Variants in BABAM2 observed in about 807,000 individuals in gnomAD.
BABAM2 encodes the protein BRISC and BRCA1-A complex member 2.
A neutral mutation model predicts 54.7 loss-of-function variants in BABAM2; 31 were observed. The observed-to-expected ratio is 0.57, with a 90% confidence interval of 0.43 to 0.77. The LOEUF is 0.77. Among genes scored for constraint, BABAM2 ranks in the 30% least tolerant of loss-of-function variants. The pLI is 0.00. For missense variants in BABAM2, 364 were observed against 455.8 expected (o/e 0.80, Z 1.83); for synonymous variants, 167 against 162.9 (o/e 1.03, Z -0.19).
intron 10 of BABAM2, among the ~76,000 whole-genome samples, chr2:28,289,527 T>C (rs1464629475): frequency 1.3e-5 from 2 of 152,202 alleles, no homozygotes; most frequent in African/African-American, 4.8e-5. Flanking sequence ...CAGAGGCTCA[T>C]GCCTGTAATC....
chr2:28,300,641 A>G (rs1348427599), intron 11 of BABAM2, among the ~76,000 whole-genome samples: 2 of 151,388 alleles, frequency 1.3e-5, no homozygotes, highest in Non-Finnish European at 3.0e-5. Flanking sequence ...CTTGGTGTGT[A>G]TGTGTGTGTG....
chr2:28,246,364 T>G (rs1057108448), intron 10 of BABAM2, among the ~76,000 whole-genome samples: 2 of 152,230 alleles, frequency 1.3e-5, no homozygotes, highest in Admixed American at 6.5e-5. Context: ...TCACTTTACC[T>G]TACGACCTTG....
At chr2:27,946,030 T>C (rs571348116) in intron 3 of BABAM2, among the ~76,000 whole-genome samples, 2 of 152,332 alleles carry the variant, frequency 1.3e-5, no homozygotes, top group East Asian at 3.9e-4. Flanking sequence ...TGTTTTATTG[T>C]ACTATCTAGT....
chr2:28,089,270 G>A (rs17006494), intron 6 of BABAM2, among the ~76,000 whole-genome samples: 2,153 of 152,158 alleles, frequency 0.014, 46 homozygotes, highest in African/African-American at 0.048. Flanking sequence ...GAAATAAAGC[G>A]CGGAAAGCCA....
chr2:28,089,893 T>TA (rs1666013358), intron 6 of BABAM2, among the ~76,000 whole-genome samples: 1 of 151,680 alleles, frequency 6.6e-6, no homozygotes, highest in East Asian at 1.9e-4. Flanking sequence ...TCTGTGGTAT[T>TA]TTTTTTCTTT....
chr2:27,894,477 T>G (rs1573102156), intron 1 of BABAM2, 56 bp from the exon 2 acceptor site: 5 of 1,516,674 alleles, frequency 3.3e-6, no homozygotes, highest in African/African-American at 1.4e-5. Context: ...TCAGGCAGAG[T>G]GTTGTATCTA....
chr2:28,231,654 A>C (rs1681398077), intron 7 of BABAM2, among the ~76,000 whole-genome samples: 1 of 151,588 alleles, frequency 6.6e-6, no homozygotes, highest in South Asian at 2.1e-4. Context: ...TGTCTCTGAC[A>C]ACGCCTTGTC....
At chr2:28,157,787 T>A (rs1156924258) in intron 7 of BABAM2, among the ~76,000 whole-genome samples, 1 of 152,140 alleles carries the variant, frequency 6.6e-6, no homozygotes, top group Admixed American at 6.5e-5. Flanking sequence ...AATTTTTATA[T>A]TTTTAGTAGA....
chr2:28,035,643 T>C (rs1290268383), intron 5 of BABAM2, among the ~76,000 whole-genome samples: 4 of 152,190 alleles, frequency 2.6e-5, no homozygotes, highest in African/African-American at 4.8e-5. Context: ...AAATGAACCA[T>C]GACAGTGTCT....
chr2:28,260,107 A>G (rs1207387243), intron 10 of BABAM2, among the ~76,000 whole-genome samples: 1 of 151,728 alleles, frequency 6.6e-6, no homozygotes, highest in African/African-American at 2.4e-5. Flanking sequence ...CACCATTGCC[A>G]GGATGATCTC....
intron 7 of BABAM2, among the ~76,000 whole-genome samples, chr2:28,186,412 G>T (rs1276484318): frequency 6.6e-6 from 1 of 152,148 alleles, no homozygotes; most frequent in African/African-American, 2.4e-5. Flanking sequence ...GAACATTTTA[G>T]AGGATGTTAC....
intron 3 of BABAM2, among the ~76,000 whole-genome samples, chr2:27,960,265 C>T (rs1670371440): frequency 1.3e-5 from 2 of 152,108 alleles, no homozygotes; most frequent in South Asian, 2.1e-4. Flanking sequence ...TTTGTGAAGG[C>T]GGGTGGAGTT....
chr2:27,983,482 A>G (rs149922764), intron 3 of BABAM2, among the ~76,000 whole-genome samples: 31 of 152,234 alleles, frequency 2.0e-4, no homozygotes, highest in Admixed American at 1.2e-3. Flanking sequence ...TGGCTTGTCA[A>G]TTTCTGCAAA....
intron 6 of BABAM2, among the ~76,000 whole-genome samples, chr2:28,068,624 T>C: frequency 6.6e-6 from 1 of 152,200 alleles, no homozygotes; most frequent in African/African-American, 2.4e-5. Context: ...AGATTATAAC[T>C]ACAAAAGATT....
At chr2:28,057,505 T>G (rs1254863521) in intron 6 of BABAM2, among the ~76,000 whole-genome samples, 1 of 152,128 alleles carries the variant, frequency 6.6e-6, no homozygotes, top group African/African-American at 2.4e-5. Context: ...ATTTTTTTTT[T>G]TTAATCTGGA....
intron 4 of BABAM2, chr2:28,013,271 T>C (rs375151203): frequency 6.9e-6 from 3 of 432,372 alleles, no homozygotes; most frequent in Non-Finnish European, 4.6e-6. Context: ...AAAATTGAGA[T>C]GATAAATTCT....
rs984158382 is a variant in BABAM2, at chr2:28,254,622, T to C, written c.934+9760T>C. Among the ~76,000 whole-genome samples the C allele has an allele frequency of 3.7e-4, 56 of 152,186 alleles. 3 individuals are homozygous for C. On this transcript the variant is annotated intron_variant, in intron 10 of 11. Transcript: ENST00000379624. ...CGCAGTTTGAATACCTTGTTTCTTC[T>C]ATCCTGCCTCCTTTTTAATTTCCTG...
At chr2:28,036,174 A>G (rs1676643039) in intron 5 of BABAM2, among the ~76,000 whole-genome samples, 1 of 152,124 alleles carries the variant, frequency 6.6e-6, no homozygotes, top group Admixed American at 6.5e-5. Context: ...CATGAAGGAA[A>G]TGGACAAGTG....
intron 3 of BABAM2, among the ~76,000 whole-genome samples, chr2:27,982,017 T>G (rs1488913544): frequency 6.6e-6 from 1 of 152,152 alleles, no homozygotes; most frequent in Non-Finnish European, 1.5e-5. Context: ...TCATAAACAC[T>G]TATTATTATA....
Sources: gnomAD v4.1 joint callset for allele counts (sites outside exome capture counted in the v4.1 genomes callset) on GRCh38, gnomAD v4.1.1 for gene constraint, MANE v1.5 for transcripts, NCBI Gene and HGNC (gene_info 2026-07-23, HGNC 2026-07-21) for gene names.